TMEM108: variants seen among roughly 807,000 people sequenced by gnomAD.
The protein encoded by TMEM108 is cancer/testis antigen 124.
In TMEM108, 12 loss-of-function variants were observed where a neutral mutation model predicts 35.1. The ratio of observed to expected loss-of-function variants is 0.34; its 90% CI spans 0.22 to 0.55. The LOEUF is 0.55. TMEM108 is among the 20% of genes least tolerant of loss of function. The pLI, the probability that TMEM108 is intolerant of heterozygous loss-of-function variation, is 0.89. For missense variants in TMEM108, 680 were observed against 753.3 expected, an observed-to-expected ratio of 0.90 and a Z score of 1.14; for synonymous variants, 287 against 308.6, an observed-to-expected ratio of 0.93 and a Z score of 0.73.
chr3:133,328,557 ATCAC>A (rs758527751), intron 3 of TMEM108, among the ~76,000 whole-genome samples: 25 of 152,230 alleles, frequency 1.6e-4, no homozygotes, highest in East Asian at 1.2e-3. Context: ...TTCCCTCTCT[ATCAC>A]TCTGTGAGAA....
In TMEM108 at chr3:133,390,193, G is replaced by A. The variant is rs747289991; in HGVS notation, c.1464G>A (p.Thr488=). The A allele has an allele frequency of 2.4e-5, 39 of 1,613,990 alleles. No individual in the cohort carries two copies. The Middle Eastern group carries it at 6.6e-4, about 27-fold the overall frequency. ...CTCTCTCCATAGCTGTCCTGCTGAC[G>A]GTGTGCTGCATGAAGAGGAAGAAGA... is the stretch of plus-strand genomic sequence containing the variant. ...VPISSCSVLL[T]VCCMKRKKKT... The change falls in exon 5 of 6, where the codon ACG becomes ACA. Residue 488 remains threonine (T), a synonymous_variant. Coordinates refer to ENST00000321871, the MANE Select transcript of TMEM108 (RefSeq NM_023943.4).
chr3:133,083,079 G>A (rs1227367400), intron 2 of TMEM108, among the ~76,000 whole-genome samples: 1 of 152,128 alleles, frequency 6.6e-6, no homozygotes, highest in Non-Finnish European at 1.5e-5. Context: ...CTGAGCCAGT[G>A]GTGCTGGGAT....
At chr3:133,054,364 A>G (rs376453630) in intron 2 of TMEM108, among the ~76,000 whole-genome samples, 1 of 152,182 alleles carries the variant, frequency 6.6e-6, no homozygotes, top group East Asian at 1.9e-4. Context: ...CCATACAGAT[A>G]TCTTATTTTT....
At chr3:133,100,130 C>T (rs1944068759) in intron 2 of TMEM108, among the ~76,000 whole-genome samples, 1 of 152,164 alleles carries the variant, frequency 6.6e-6, no homozygotes, top group Non-Finnish European at 1.5e-5. Context: ...TCTCACATGG[C>T]AGCGGCGAGA....
At chr3:133,383,580 C>G (rs2073069689) in intron 4 of TMEM108, among the ~76,000 whole-genome samples, 1 of 152,158 alleles carries the variant, frequency 6.6e-6, no homozygotes, top group Non-Finnish European at 1.5e-5. Context: ...CTACTTCTCC[C>G]CCAGCCCTTC....
intron 3 of TMEM108, chr3:133,378,231 G>C (rs6780144): frequency 0.38 from 222,582 of 582,072 alleles, 43,051 homozygotes; most frequent in East Asian, 0.42. Context: ...TAGAAGTGCA[G>C]GGTGAGGACA....
At chr3:133,268,632 A>T (rs1012009787) in intron 3 of TMEM108, among the ~76,000 whole-genome samples, 1 of 152,208 alleles carries the variant, frequency 6.6e-6, no homozygotes, top group Non-Finnish European at 1.5e-5. Flanking sequence ...TGATCTAATA[A>T]CAGAAGGGCT....
intron 2 of TMEM108, among the ~76,000 whole-genome samples, chr3:133,196,646 C>G (rs764419044): frequency 7.2e-5 from 11 of 152,194 alleles, no homozygotes; most frequent in Non-Finnish European, 1.2e-4. Flanking sequence ...GAGAAACCAT[C>G]ACAGTGGTTT....
chr3:133,396,130 T>A lies in TMEM108; in HGVS notation c.*144T>A. 6.8e-6 allele frequency: 3 copies of A among 440,248 alleles called. No individual in the cohort carries two copies. Among genetic ancestry groups the A allele is most frequent in the Non-Finnish European group, 9.5e-6 (3 of 316,116 alleles). 27.3% of individuals were successfully genotyped at this position (440,248 alleles called of 1,614,324 possible). ...CTTTTTTTCCTATGAATTGTCAACA[T>A]CTTTTTTACAAGTGTGGTTTAAAAA... On this transcript the variant is annotated 3_prime_UTR_variant, in exon 6 of 6. Coordinates refer to ENST00000321871, the MANE Select transcript of TMEM108 (RefSeq NM_023943.4).
rs572784416 is a variant in TMEM108 at position 133,268,808 on chromosome 3, G to A, written c.40+39457G>A. On this transcript the variant is annotated intron_variant, in intron 3 of 5. Transcript: ENST00000321871. The stretch of plus-strand genomic sequence containing the variant: ...CTAAATTTTCAGAAAAGGGGCCATG[G>A]GGAATGGAATAATGTGATAAACAGA... Among the ~76,000 whole-genome samples the A allele has an allele frequency of 2.0e-5, 3 of 152,286 alleles. No homozygotes were observed. The South Asian group carries it at 6.2e-4, about 32-fold the overall frequency.
rs559559067 is a variant in TMEM108, at chr3:133,284,701, A to G, written c.40+55350A>G. On this transcript the variant is annotated intron_variant, in intron 3 of 5. Transcript: ENST00000321871. The stretch of plus-strand genomic sequence containing the variant: ...AAAACGGCTTTCTTCTCTTCTTTGC[A>G]TATTATTTTTCTGAATTGCTGCCTC... Among the ~76,000 whole-genome samples, 198 of 152,288 alleles carry G rather than the reference A, an allele frequency of 1.3e-3. 1 individual carries two copies. The highest frequency in any genetic ancestry group is 3.4e-3 in the Middle Eastern group (1 of 294).
chr3:133,049,697 C>A (rs1268953047), intron 2 of TMEM108, among the ~76,000 whole-genome samples: 1 of 152,134 alleles, frequency 6.6e-6, no homozygotes, highest in Non-Finnish European at 1.5e-5. Flanking sequence ...TAATCCAAGG[C>A]TGCTGAGCTG....
At chr3:133,236,204 T>C (rs1196561400) in intron 3 of TMEM108, among the ~76,000 whole-genome samples, 2 of 152,148 alleles carry the variant, frequency 1.3e-5, no homozygotes, top group Non-Finnish European at 2.9e-5. Context: ...GTATTGTTAC[T>C]CTAGTACACC....
At chr3:133,126,263 G>A (rs1482149136) in intron 2 of TMEM108, among the ~76,000 whole-genome samples, 2 of 151,980 alleles carry the variant, frequency 1.3e-5, no homozygotes, top group African/African-American at 2.4e-5. Flanking sequence ...TCAGGAGTTC[G>A]AGACCAGCCT....
chr3:133,234,579 T>C (rs1037372684), intron 3 of TMEM108, among the ~76,000 whole-genome samples: 7 of 152,138 alleles, frequency 4.6e-5, no homozygotes, highest in Admixed American at 1.3e-4. Context: ...CTCAATAAAT[T>C]AGGTATTGAT....
intron 3 of TMEM108, among the ~76,000 whole-genome samples, chr3:133,295,876 G>A (rs1947138026): frequency 6.6e-6 from 1 of 152,082 alleles, no homozygotes; most frequent in Non-Finnish European, 1.5e-5. Context: ...ATGTTGGTGG[G>A]GTACACAGTT....
At chr3:133,359,954 T>C (rs1475834198) in intron 3 of TMEM108, among the ~76,000 whole-genome samples, 1 of 141,384 alleles carries the variant, frequency 7.1e-6, no homozygotes, top group Non-Finnish European at 1.5e-5. Context: ...TATCATCAGA[T>C]GAATGAATAT....
chr3:133,126,381 C>G (rs776188787), intron 2 of TMEM108, among the ~76,000 whole-genome samples: 10 of 151,586 alleles, frequency 6.6e-5, no homozygotes, highest in Non-Finnish European at 1.5e-4. Flanking sequence ...GCAGGAGAAT[C>G]ATTTGAACTT....
chr3:133,088,964 C>G (rs1012875045), intron 2 of TMEM108, among the ~76,000 whole-genome samples: 1 of 152,156 alleles, frequency 6.6e-6, no homozygotes, highest in Non-Finnish European at 1.5e-5. Flanking sequence ...AGAAACATAG[C>G]AGCTTCTGCT....
Sources: allele counts gnomAD v4.1 joint callset (sites outside exome capture counted in the v4.1 genomes callset), GRCh38; gene constraint gnomAD v4.1.1; transcripts MANE v1.5; gene names NCBI Gene and HGNC (gene_info 2026-07-23, HGNC 2026-07-21).